The following INSRR variants were observed in gnomAD, a reference collection of about 807,000 sequenced individuals.
INSRR encodes insulin receptor related receptor, also known as insulin receptor-related protein.
A neutral mutation model predicts 130.0 loss-of-function variants in INSRR; 114 were observed. The ratio of observed to expected loss-of-function variants is 0.88; its 90% CI spans 0.75 to 1.02. The LOEUF is 1.02. INSRR is among the 50% of genes least tolerant of loss of function. The probability of loss-of-function intolerance (pLI) is 0.00; values close to 1 mark genes in which losing one functional copy is unlikely to be tolerated. For synonymous variants in INSRR, 674 were observed against 705.2 expected (o/e 0.96, Z 0.70); for missense variants, 1,657 against 1,735.2 (o/e 0.95, Z 0.80).
intron 1 of INSRR, among the ~76,000 whole-genome samples, chr1:156,856,485 A>T (rs1009993692): frequency 1.3e-5 from 2 of 151,644 alleles, no homozygotes; most frequent in African/African-American, 2.4e-5. Context: ...GGTGTAGATA[A>T]ACCATTCCTT....
In INSRR at chr1:156,852,151, G is replaced by A. The variant is rs376798720; in HGVS notation, c.678C>T (p.Gly226=). 3.7e-6 allele frequency: 6 copies of A among 1,609,916 alleles called. No homozygotes were observed. Among genetic ancestry groups the A allele is most frequent in the Non-Finnish European group, 5.1e-6 (6 of 1,177,804 alleles). Reference sequence around the variant, plus strand: ...CCAGGCATTCGGTGTGGCAGCACTCGCCCCTCGCTGTGCAAGCCATCCCAT... The same window carrying A: ...CCAGGCATTCGGTGTGGCAGCACTCACCCCTCGCTGTGCAAGCCATCCCAT... ...CPHGMACTAR[G]ECCHTECLGG... The change falls in exon 3 of 22, where the codon GGC becomes GGT. Residue 226 remains glycine, a synonymous_variant. Transcript: ENST00000368195.
chr1:156,858,650 C>T lies in INSRR; in HGVS notation c.-29G>A, dbSNP rs532591512. 5.9e-5 allele frequency: 94 copies of T among 1,593,482 alleles called. No individual in the cohort carries two copies. In the Admixed American group the frequency reaches 7.2e-4, roughly 12 times the overall value. On this transcript the variant is annotated 5_prime_UTR_variant, in exon 1 of 22. Transcript: ENST00000368195. Reference sequence around the variant, plus strand: ...CCCAGCCCTGGCTTGTGTCCAGTCCCGGCTCTCCTCCCGGTGACTCTGGGG... The same window carrying T: ...CCCAGCCCTGGCTTGTGTCCAGTCCTGGCTCTCCTCCCGGTGACTCTGGGG...
At position 156,841,538 on chromosome 1, in the gene INSRR, T is replaced by A. The variant is rs1476386245; in HGVS notation, c.3528-10A>T. 6.2e-7 allele frequency: 1 copy of A among 1,613,940 alleles called. No homozygotes were observed. The highest frequency in any genetic ancestry group is 8.5e-7 in the Non-Finnish European group (1 of 1,179,942). ...TACCACGCCAAAGGACCTGGGGGCA[T>A]GCAGGAGCTCCTGAGCCCAGCACCC... On this transcript the variant is annotated splice_polypyrimidine_tract_variant and intron_variant, in intron 20 of 21. Transcript: ENST00000368195.
chr1:156,843,760 T>A (rs545530176), intron 15 of INSRR, among the ~76,000 whole-genome samples: 2 of 152,340 alleles, frequency 1.3e-5, no homozygotes, highest in African/African-American at 4.8e-5. Context: ...CCCATTTTCC[T>A]CTTGCAGTCA....
At chr1:156,852,477 G>A (rs1225867382) in intron 2 of INSRR, among the ~76,000 whole-genome samples, 1 of 152,246 alleles carries the variant, frequency 6.6e-6, no homozygotes, top group African/African-American at 2.4e-5. Flanking sequence ...TCTCCAGCCT[G>A]CTGTCCTGTC....
chr1:156,852,241 G>T, intron 2 of INSRR, 50 bp from the exon 3 acceptor site: 3 of 1,519,524 alleles, frequency 2.0e-6, no homozygotes, highest in Non-Finnish European at 1.8e-6. Context: ...CTCAGTCCTG[G>T]CTGTCCTTCC....
Position 156,842,272 on chromosome 1 carries a change from C to A in INSRR, c.3238-1G>T. 6.2e-7 allele frequency: 1 copy of A among 1,613,874 alleles called. No individual in the cohort carries two copies. Among genetic ancestry groups the A allele is most frequent in the South Asian group, 1.1e-5 (1 of 91,048 alleles). On this transcript the variant is annotated splice_acceptor_variant, in intron 18 of 21. Coordinates refer to ENST00000368195, the MANE Select transcript of INSRR (RefSeq NM_014215.3). LOFTEE classifies it high-confidence loss of function. The stretch of plus-strand genomic sequence containing the variant: ...CTGGCTGTGGGAGCCCAGGGTTGTT[C>A]TAGAGCCAAGATTGGGGGCTGGTGA...
Position 156,846,005 on chromosome 1 carries a change from C to T in INSRR, c.1925G>A (p.Trp642Ter). Residue 642 changes from tryptophan to a stop codon, truncating the protein, a stop_gained, in exon 9 of 22, where the codon TGG (tryptophan) becomes TAG (stop). Transcript: ENST00000368195. LOFTEE classifies it high-confidence loss of function. ...GTCGCCGTCCTCTGCCAGCCGCTGC[C>T]ACAGCACCAGGTAGTAGGTGAGGTT... ...NGNLTYYLVL[W>*]QRLAEDGDLY... 1.2e-6 allele frequency: 2 copies of T among 1,614,108 alleles called. No homozygotes were observed. Among genetic ancestry groups the T allele is most frequent in the South Asian group, 1.1e-5 (1 of 91,080 alleles).
chr1:156,844,576 C>T lies in INSRR; in HGVS notation c.2623G>A (p.Gly875Arg). Residue 875 changes from glycine to arginine, a missense_variant, in exon 14 of 22, where the codon GGA becomes AGA. Gly to Arg is a moderately radical substitution (Grantham distance 125). Coordinates refer to ENST00000368195, the MANE Select transcript of INSRR (RefSeq NM_014215.3). ...VSRLRYAKFGGVHLALLPPGN... is the reference protein window; with the variant it reads ...VSRLRYAKFGRVHLALLPPGN... ...GGGGGCAGCAGGGCCAGGTGGACTC[C>T]CCCAAACTTCGCATATCGAAGACGG... 13 of 1,614,168 alleles carry T rather than the reference C, an allele frequency of 8.1e-6. No homozygotes were observed. Among genetic ancestry groups the T allele is most frequent in the South Asian group, 2.2e-5 (2 of 91,086 alleles).
At chr1:156,851,161 A>T in intron 5 of INSRR, 129 bp downstream of exon 5, 1 of 946,598 alleles carries the variant, frequency 1.1e-6, no homozygotes, top group Non-Finnish European at 1.7e-6. Context: ...CAGAGAAGTT[A>T]ACCTACTTAG....
chr1:156,849,038 C>T lies in INSRR; in HGVS notation c.1454G>A (p.Arg485His), dbSNP rs1211204835. 3.7e-6 allele frequency: 6 copies of T among 1,612,994 alleles called. No homozygotes were observed. The East Asian group carries it at 1.1e-4, about 30-fold the overall frequency. ...CACGTTGGACACGAAGCGCAGGGTGCGAGTCTGGCCTGGGTGGGGCGAGGG... is the reference window on the plus strand; with the variant it reads ...CACGTTGGACACGAAGCGCAGGGTGTGAGTCTGGCCTGGGTGGGGCGAGGG... ...TNGDRAACQT[R>H]TLRFVSNVTE... is the part of the protein sequence containing the mutation. Residue 485 changes from arginine to histidine, a missense_variant, in exon 7 of 22, where the codon CGC (arginine) becomes CAC (histidine). By Grantham distance (29) the Arg-to-His change is conservative. Coordinates refer to ENST00000368195, the MANE Select transcript of INSRR (RefSeq NM_014215.3).
In INSRR at chr1:156,854,363, C is replaced by T; in HGVS notation, c.86-60G>A. On this transcript the variant is annotated intron_variant, in intron 1 of 21. Transcript: ENST00000368195. The surrounding 1 kb of genome is among the most constrained non-coding windows in gnomAD (Gnocchi z 4.2). ...GCCCAGGCCAAATTCCCCATCCAGC[C>T]CTGGCAGCTTTGGAGGGGAGCCACA... 2 of 1,496,136 alleles carry T rather than the reference C, an allele frequency of 1.3e-6. No individual in the cohort carries two copies. The highest frequency in any genetic ancestry group is 1.4e-5 in the African/African-American group (1 of 72,782). 92.7% of individuals were successfully genotyped at this position (1,496,136 alleles called of 1,614,324 possible). A position where few individuals can be genotyped will look rare whatever the true frequency, so the allele number is the denominator to read the frequency against.
In INSRR at chr1:156,854,745, C is replaced by T. The variant is rs1655349187; in HGVS notation, c.86-442G>A. 6.6e-6 allele frequency among the ~76,000 whole-genome samples: 1 copy of T among 152,184 alleles called. No homozygotes were observed. The highest frequency in any genetic ancestry group is 2.1e-4 in the South Asian group (1 of 4,826). On this transcript the variant is annotated intron_variant, in intron 1 of 21. Coordinates refer to ENST00000368195, the MANE Select transcript of INSRR (RefSeq NM_014215.3). The surrounding 1 kb of genome is among the most constrained non-coding windows in gnomAD (Gnocchi z 4.2). ...TCACAGCTTCCACCATCATCTTCCCCTGGATTGACAGTCATAGCCTCCCAA... is the reference window on the plus strand; with the variant it reads ...TCACAGCTTCCACCATCATCTTCCCTTGGATTGACAGTCATAGCCTCCCAA...
chr1:156,846,574 G>C lies in INSRR; in HGVS notation c.1755C>G (p.Asp585Glu), dbSNP rs769200484. 7 of 1,614,198 alleles carry C rather than the reference G, an allele frequency of 4.3e-6. No individual in the cohort carries two copies. Among genetic ancestry groups the C allele is most frequent in the Non-Finnish European group, 5.1e-6 (6 of 1,180,034 alleles). Residue 585 changes from aspartate to glutamate, a missense_variant, in exon 8 of 22, where the codon GAC becomes GAG. Transcript: ENST00000368195. ...GACTCTGGGCTCCTTGATGAGGGCT[G>C]TCCTCCTCAGTGGTTAGCGTGATGG... ...VRAITLTTEE[D>E]SPHQGAQSPI...
Position 156,849,408 on chromosome 1 carries a change from A to G in INSRR, c.1282T>C (p.Trp428Arg). The change falls in exon 6 of 22, where the codon TGG becomes CGG. Residue 428 changes from tryptophan (W) to arginine (R), a missense_variant. Trp to Arg is a moderately radical substitution (Grantham distance 101). Transcript: ENST00000368195. Reference sequence around the variant, plus strand: ...GGAATGGTGAGCCCCGCGGCCACCCAGGACCCTAGCTGTTGTAGGTTCTGG... The same window carrying G: ...GGAATGGTGAGCCCCGCGGCCACCCGGGACCCTAGCTGTTGTAGGTTCTGG... ...DNQNLQQLGSWVAAGLTIPVG... is the reference protein window; with the variant it reads ...DNQNLQQLGSRVAAGLTIPVG... 6.2e-7 allele frequency: 1 copy of G among 1,602,708 alleles called. No homozygotes were observed. Among genetic ancestry groups the G allele is most frequent in the Non-Finnish European group, 8.5e-7 (1 of 1,173,700 alleles).
Position 156,844,427 on chromosome 1 carries a change from C to G in INSRR, c.2737+35G>C, listed in dbSNP as rs138044856. ...GGGCTGGGGACCAGGTAGGGCTGTTCGGTGATACAGGTCTGTGACAGAGGC... is the reference window on the plus strand; with the variant it reads ...GGGCTGGGGACCAGGTAGGGCTGTTGGGTGATACAGGTCTGTGACAGAGGC... On this transcript the variant is annotated intron_variant, in intron 14 of 21. Transcript: ENST00000368195. 10 of 1,601,244 alleles carry G rather than the reference C, an allele frequency of 6.2e-6. No individual in the cohort carries two copies. In the Admixed American group the frequency reaches 1.0e-4, roughly 16 times the overall value.
rs1480423022 is a variant in INSRR at position 156,848,961 on chromosome 1, C to T, written c.1531G>A (p.Ala511Thr). Residue 511 changes from alanine to threonine, a missense_variant, in exon 7 of 22, where the codon GCC (alanine) becomes ACC (threonine). Coordinates refer to ENST00000368195, the MANE Select transcript of INSRR (RefSeq NM_014215.3). ...LRWERYEPLE[A>T]RDLLSFIVYY... is the part of the protein sequence containing the mutation. ...ACGATGAAGCTGAGCAGGTCGCGGG[C>T]CTCCAGTGGCTCATAGCGCTCCCAG... 6.2e-7 allele frequency: 1 copy of T among 1,602,414 alleles called. No homozygotes were observed. Among genetic ancestry groups the T allele is most frequent in the East Asian group, 2.3e-5 (1 of 44,428 alleles).
chr1:156,843,046 G>C lies in INSRR; in HGVS notation c.3084C>G (p.Leu1028=). 6.2e-7 allele frequency: 1 copy of C among 1,614,098 alleles called. No homozygotes were observed. Among genetic ancestry groups the C allele is most frequent in the Non-Finnish European group, 8.5e-7 (1 of 1,179,998 alleles). ...LASPRECIEF[L]KEASVMKAFK... is the part of the protein sequence containing the mutation. ...AGGCTTTCATGACAGAAGCTTCCTT[G>C]AGGAACTCAATGCATTCCCGTGGGC... is the stretch of plus-strand genomic sequence containing the variant. The change falls in exon 17 of 22, where the codon CTC becomes CTG. Residue 1028 remains leucine, a synonymous_variant. Transcript: ENST00000368195.
At chr1:156,857,984 T>A (rs1209803412) in intron 1 of INSRR, among the ~76,000 whole-genome samples, 1 of 152,012 alleles carries the variant, frequency 6.6e-6, no homozygotes, top group African/African-American at 2.4e-5. Context: ...CCCTGGGGTG[T>A]TGAGGAAGAG....
Sources: allele counts gnomAD v4.1 joint callset (sites outside exome capture counted in the v4.1 genomes callset), GRCh38; gene constraint gnomAD v4.1.1; non-coding constraint Gnocchi (gnomAD v3.1); transcripts MANE v1.5; gene names NCBI Gene and HGNC (gene_info 2026-07-23, HGNC 2026-07-21).